RCBTB1: variants seen among roughly 807,000 people sequenced by gnomAD.
RCBTB1 encodes RCC1 and BTB domain-containing protein 1.
In RCBTB1, 46 loss-of-function variants were observed where a neutral mutation model predicts 62.4. The ratio of observed to expected loss-of-function variants is 0.74; its 90% CI spans 0.58 to 0.94. RCBTB1 has a LOEUF of 0.94. Among genes scored for constraint, RCBTB1 ranks in the 40% least tolerant of loss-of-function variants. The pLI is 0.00. For missense variants in RCBTB1, 565 were observed against 654.9 expected (o/e 0.86, Z 1.50); for synonymous variants, 222 against 245.8 (o/e 0.90, Z 0.91).
chr13:49,584,917 T>A (rs929102608), intron 1 of RCBTB1, among the ~76,000 whole-genome samples: 4 of 152,164 alleles, frequency 2.6e-5, no homozygotes, highest in African/African-American at 9.7e-5. Context: ...TATTTAGAGT[T>A]CACCGCACGC....
At chr13:49,565,324 T>G (rs150781694) in intron 4 of RCBTB1, among the ~76,000 whole-genome samples, 2,466 of 152,296 alleles carry the variant, frequency 0.016, 79 homozygotes, top group African/African-American at 0.055. Flanking sequence ...GTGCTCAATG[T>G]TGCCCAGGCT....
chr13:49,577,646 T>C (rs1024018305), intron 2 of RCBTB1, among the ~76,000 whole-genome samples: 3 of 152,184 alleles, frequency 2.0e-5, no homozygotes, highest in Non-Finnish European at 4.4e-5. Context: ...TCCTTCAGCA[T>C]TGGCGAGCAC....
chr13:49,574,205 A>C (rs1004762433), intron 2 of RCBTB1, among the ~76,000 whole-genome samples: 2 of 145,780 alleles, frequency 1.4e-5, no homozygotes, highest in East Asian at 2.0e-4. Context: ...TGCAACCTCC[A>C]CCTCCCCAGT....
In RCBTB1 at chr13:49,549,134, T is replaced by TA. The variant is rs66645127; in HGVS notation, c.1045+323dup. ...GCGACAGAGTGAGATTCTGTCTCAATAAAAAAAAAAAAAAAGGTGGATGTA... is the reference window on the plus strand; with the variant it reads ...GCGACAGAGTGAGATTCTGTCTCAATAAAAAAAAAAAAAAAAGGTGGATGTA... On this transcript the variant is annotated intron_variant, in intron 9 of 12. Transcript: ENST00000378302. Among the ~76,000 whole-genome samples the TA allele has an allele frequency of 7.8e-4, 91 of 117,294 alleles. 1 individual carries two copies. The highest frequency in any genetic ancestry group is 2.1e-3 in the African/African-American group (57 of 26,644). The allele number at this position is 117,294 out of a possible 152,430, so 76.9% of individuals were successfully genotyped here.
rs958288622 is a variant in RCBTB1, at chr13:49,532,755, A to C, written c.*1367T>G. 8 of 152,012 alleles carry C rather than the reference A, an allele frequency of 5.3e-5. No individual in the cohort carries two copies. Among genetic ancestry groups the C allele is most frequent in the African/African-American group, 1.9e-4 (8 of 41,372 alleles). The allele number at this position is 152,012 out of a possible 1,614,324, so 9.4% of individuals were successfully genotyped here. ...ACCCACTTGTAATTTGGCTCTGAAA[A>C]TGTATTCAGGCTCCAGGTTCAGAAG... On this transcript the variant is annotated 3_prime_UTR_variant, in exon 13 of 13. Transcript: ENST00000378302.
intron 12 of RCBTB1, among the ~76,000 whole-genome samples, chr13:49,536,335 A>G (rs556540164): frequency 2.6e-5 from 4 of 152,328 alleles, no homozygotes; most frequent in African/African-American, 7.2e-5. Flanking sequence ...TGAATTTGCA[A>G]GTTCACCAGA....
intron 6 of RCBTB1, among the ~76,000 whole-genome samples, chr13:49,552,512 C>G (rs766495316): frequency 2.0e-5 from 3 of 152,272 alleles, no homozygotes; most frequent in Non-Finnish European, 4.4e-5. Flanking sequence ...GGGCAAGTCA[C>G]TCTTTCCTGT....
intron 2 of RCBTB1, among the ~76,000 whole-genome samples, chr13:49,577,154 C>A (rs1035025257): frequency 6.6e-6 from 1 of 152,204 alleles, no homozygotes; most frequent in Non-Finnish European, 1.5e-5. Flanking sequence ...AAAGCAAATT[C>A]AGTCAGGACA....
At chr13:49,536,626 A>G (rs1257011344) in intron 12 of RCBTB1, among the ~76,000 whole-genome samples, 3 of 152,208 alleles carry the variant, frequency 2.0e-5, no homozygotes, top group Admixed American at 2.0e-4. Flanking sequence ...GAGGACCAGA[A>G]GGATCATGTG....
intron 8 of RCBTB1, chr13:49,549,967 A>C: frequency 4.5e-6 from 4 of 883,458 alleles, no homozygotes; most frequent in Non-Finnish European, 5.4e-6. Flanking sequence ...GCCCTAACAA[A>C]TGTGATGGCT....
chr13:49,576,227 G>C (rs1963779091), intron 2 of RCBTB1, among the ~76,000 whole-genome samples: 1 of 130,568 alleles, frequency 7.7e-6, no homozygotes, highest in South Asian at 2.6e-4. Context: ...TTTTTTTTAA[G>C]TAGTCTAGAG....
chr13:49,557,291 A>C (rs1962004185), intron 5 of RCBTB1, among the ~76,000 whole-genome samples: 1 of 152,206 alleles, frequency 6.6e-6, no homozygotes. Context: ...CTAGGCAGGA[A>C]ATGACAAGAC....
intron 11 of RCBTB1, 95 bp downstream of exon 11, chr13:49,541,581 C>G: frequency 8.3e-7 from 1 of 1,200,284 alleles, no homozygotes; most frequent in Non-Finnish European, 1.1e-6. Context: ...AAATTAAAGC[C>G]AATACACCTG....
In RCBTB1 at chr13:49,551,452, G is replaced by A. The variant is rs1284273077; in HGVS notation, c.728C>T (p.Ala243Val). The A allele has an allele frequency of 6.2e-7, 1 of 1,613,968 alleles. No homozygotes were observed. The highest frequency in any genetic ancestry group is 1.3e-5 in the African/African-American group (1 of 74,922). ...CTCATCTGTTAGTGCTAGAGTATGT[G>A]CGTAACCGCAGACAATCTGCAAGTA... is the stretch of plus-strand genomic sequence containing the variant. ...VCVNQIVCGY[A>V]HTLALTDEGL... The change falls in exon 8 of 13, where the codon GCA (alanine) becomes GTA (valine). Residue 243 changes from alanine (A) to valine (V), a missense_variant. Coordinates refer to ENST00000378302, the MANE Select transcript of RCBTB1 (RefSeq NM_018191.4).
Position 49,551,335 on chromosome 13 carries a change from T to A in RCBTB1, c.845A>T (p.Glu282Val). Residue 282 changes from glutamate to valine, a missense_variant, in exon 8 of 13, where the codon GAG (glutamate) becomes GTG (valine). By Grantham distance (121) the Glu-to-Val change is moderately radical. Transcript: ENST00000378302. ...GGCACAGCCAAGTTACCTTTCTTTC[T>A]CCACCATGATGTGTGCTGGGCTTAG... ...NLLSPAHIMV[E>V]KERVVEIAAC... is the part of the protein sequence containing the mutation. The A allele has an allele frequency of 6.2e-7, 1 of 1,614,156 alleles. No individual in the cohort carries two copies. Among genetic ancestry groups the A allele is most frequent in the Non-Finnish European group, 8.5e-7 (1 of 1,180,012 alleles).
intron 2 of RCBTB1, among the ~76,000 whole-genome samples, chr13:49,567,583 A>G (rs1018076741): frequency 1.3e-5 from 2 of 152,068 alleles, no homozygotes; most frequent in African/African-American, 2.4e-5. Context: ...TCTGTTCCAC[A>G]TGTGCTTCCA....
intron 9 of RCBTB1, among the ~76,000 whole-genome samples, chr13:49,545,510 C>T (rs566811137): frequency 2.0e-5 from 3 of 152,296 alleles, no homozygotes; most frequent in Admixed American, 6.5e-5. Context: ...ACAGGATCAC[C>T]TTACCTGATA....
intron 9 of RCBTB1, chr13:49,546,937 A>G: frequency 1.0e-6 from 1 of 985,162 alleles, no homozygotes; most frequent in Non-Finnish European, 1.2e-6. Context: ...GTCAATGACC[A>G]TATTTTTTCC....
intron 9 of RCBTB1, among the ~76,000 whole-genome samples, chr13:49,549,241 T>C (rs1212409461): frequency 2.0e-5 from 3 of 151,688 alleles, no homozygotes; most frequent in Admixed American, 6.6e-5. Flanking sequence ...TGATATCAAT[T>C]GAAATGAAAG....
Sources: gnomAD v4.1 joint callset for allele counts (sites outside exome capture counted in the v4.1 genomes callset) on GRCh38, gnomAD v4.1.1 for gene constraint, MANE v1.5 for transcripts, NCBI Gene and HGNC (gene_info 2026-07-23, HGNC 2026-07-21) for gene names.